The following PHACTR3 variants were observed in gnomAD, a reference collection of about 807,000 sequenced individuals.
PHACTR3 encodes protein phosphatase 1, regulatory subunit 123.
Under a neutral mutation model 66.8 loss-of-function variants are expected in PHACTR3, and 16 were observed. That is an observed-to-expected ratio of 0.24 (90% CI 0.16 to 0.36). PHACTR3 has a LOEUF of 0.36. Ranked by LOEUF, PHACTR3 falls within the 10% of genes least tolerant of loss-of-function variation. PHACTR3 has a pLI of 1.00. For missense variants in PHACTR3, 647 were observed against 719.9 expected (o/e 0.90, Z 1.16); for synonymous variants, 323 against 292.1 (o/e 1.11, Z -1.08).
At chr20:59,581,065 G>A (rs1254382881) in intron 1 of PHACTR3, among the ~76,000 whole-genome samples, 2 of 152,152 alleles carry the variant, frequency 1.3e-5, no homozygotes, top group African/African-American at 4.8e-5. Context: ...TGGCATCCCC[G>A]CCATAGCCAG....
intron 1 of PHACTR3, among the ~76,000 whole-genome samples, chr20:59,629,678 G>T (rs2034593953): frequency 6.6e-6 from 1 of 152,206 alleles, no homozygotes; most frequent in Admixed American, 6.5e-5. Context: ...CTCCTTATCA[G>T]ACAATGGAGC....
chr20:59,623,534 T>A (rs1223408426), intron 1 of PHACTR3, among the ~76,000 whole-genome samples: 1 of 152,232 alleles, frequency 6.6e-6, no homozygotes, highest in Non-Finnish European at 1.5e-5. Flanking sequence ...AGGAAATTTC[T>A]ATGCATTCTT....
At position 59,604,553 on chromosome 20, in the gene PHACTR3, T is replaced by G. The variant is rs1305751149; in HGVS notation, c.-462T>G. 1.2e-6 allele frequency: 1 copy of G among 831,624 alleles called. No individual in the cohort carries two copies. The highest frequency in any genetic ancestry group is 1.4e-6 in the Non-Finnish European group (1 of 708,688). The allele number at this position is 831,624 out of a possible 1,614,324, so 51.5% of individuals were successfully genotyped here. Reference sequence around the variant, plus strand: ...AGAACAGCTTTCAGATTAAAGCAATTGCAAGAGCAAAGATTCTTCCTTTTC... The same window carrying G: ...AGAACAGCTTTCAGATTAAAGCAATGGCAAGAGCAAAGATTCTTCCTTTTC... On this transcript the variant is annotated 5_prime_UTR_variant, in exon 1 of 13. The change creates a new upstream start codon in the 5' untranslated region. Coordinates refer to ENST00000371015, the MANE Select transcript of PHACTR3 (RefSeq NM_080672.5).
chr20:59,834,402 A>G (rs1271490545), intron 8 of PHACTR3, among the ~76,000 whole-genome samples: 1 of 152,230 alleles, frequency 6.6e-6, no homozygotes, highest in Non-Finnish European at 1.5e-5. Context: ...ACAGAGACTC[A>G]GATACATTCA....
chr20:59,639,154 G>T (rs1161263459), intron 1 of PHACTR3, among the ~76,000 whole-genome samples: 2 of 151,942 alleles, frequency 1.3e-5, no homozygotes, highest in Non-Finnish European at 2.9e-5. Flanking sequence ...GTGGGTAGGT[G>T]GGTGGGTGGG....
chr20:59,750,377 A>G (rs1304478477), intron 3 of PHACTR3, among the ~76,000 whole-genome samples: 1 of 152,132 alleles, frequency 6.6e-6, no homozygotes, highest in Admixed American at 6.5e-5. Context: ...CGTGGGACCC[A>G]GGCAGCAGTG....
chr20:59,816,760 T>C (rs1600707994), intron 8 of PHACTR3, among the ~76,000 whole-genome samples: 1 of 152,034 alleles, frequency 6.6e-6, no homozygotes, highest in Admixed American at 6.5e-5. Context: ...GATAGGTGGG[T>C]GGTTGGGTAG....
intron 1 of PHACTR3, among the ~76,000 whole-genome samples, chr20:59,706,618 T>C (rs1300141993): frequency 6.6e-6 from 1 of 152,248 alleles, no homozygotes; most frequent in Non-Finnish European, 1.5e-5. Flanking sequence ...CTTGTTCCTA[T>C]AAAGAGAGCC....
intron 1 of PHACTR3, among the ~76,000 whole-genome samples, chr20:59,737,335 C>A (rs754795048): frequency 6.6e-6 from 1 of 152,108 alleles, no homozygotes; most frequent in African/African-American, 2.4e-5. Context: ...CTCTCTATGT[C>A]CCCCTGGCAC....
At position 59,773,289 on chromosome 20, in the gene PHACTR3, A is replaced by G. The variant is rs769821041; in HGVS notation, c.762A>G (p.Thr254=). The change falls in exon 6 of 13, where the codon ACA becomes ACG. Residue 254 remains threonine (T), a synonymous_variant. Transcript: ENST00000371015. ...KTTKNVTGQA[T]LFQASSMKSA... ...CCTCCCACACCCCAGGCCAAGCCAC[A>G]CTCTTCCAAGCCTCCAGCATGAAGA... is the stretch of plus-strand genomic sequence containing the variant. 10 of 1,613,230 alleles carry G rather than the reference A, an allele frequency of 6.2e-6. No individual in the cohort carries two copies. Among genetic ancestry groups the G allele is most frequent in the Non-Finnish European group, 6.8e-6 (8 of 1,179,654 alleles).
Position 59,840,325 on chromosome 20 carries a change from GTTTC to G in PHACTR3, c.1385-42_1385-39del, listed in dbSNP as rs1600755281. ...GCTGAAGAGAAGAACGTTTCAACCT[GTTTC>G]TCTTTGTTATTTTTTTTTTCCTATT... On this transcript the variant is annotated intron_variant, in intron 9 of 12. Coordinates refer to ENST00000371015, the MANE Select transcript of PHACTR3 (RefSeq NM_080672.5). The G allele has an allele frequency of 2.1e-5, 34 of 1,595,048 alleles. No homozygotes were observed. The East Asian group carries it at 7.6e-4, about 36-fold the overall frequency.
At chr20:59,719,024 T>C (rs2038195753) in intron 1 of PHACTR3, among the ~76,000 whole-genome samples, 1 of 152,270 alleles carries the variant, frequency 6.6e-6, no homozygotes. Flanking sequence ...AAGTGTACAG[T>C]TGCATGAGGG....
chr20:59,778,859 G>C (rs952291874), intron 7 of PHACTR3, among the ~76,000 whole-genome samples: 6 of 152,182 alleles, frequency 3.9e-5, no homozygotes, highest in African/African-American at 9.7e-5. Context: ...CCCAGTGTCT[G>C]TAAGTGAACA....
At chr20:59,704,669 G>T (rs1469029787) in intron 1 of PHACTR3, among the ~76,000 whole-genome samples, 2 of 101,910 alleles carry the variant, frequency 2.0e-5, no homozygotes, top group African/African-American at 7.5e-5. Context: ...TATTTTATTT[G>T]TCTGGATCTG....
intron 1 of PHACTR3, among the ~76,000 whole-genome samples, chr20:59,727,723 T>C (rs950240724): frequency 6.6e-6 from 1 of 152,158 alleles, no homozygotes; most frequent in African/African-American, 2.4e-5. Flanking sequence ...GCTCTGAAAT[T>C]CGAAACTTTT....
intron 1 of PHACTR3, among the ~76,000 whole-genome samples, chr20:59,703,753 G>C (rs1452254394): frequency 6.6e-6 from 1 of 152,016 alleles, no homozygotes; most frequent in Non-Finnish European, 1.5e-5. Context: ...AGCAGTCAGA[G>C]TTCTTGTCTG....
chr20:59,604,444 C>A, upstream of PHACTR3: 1 of 247,210 alleles, frequency 4.0e-6, no homozygotes, highest in Non-Finnish European at 6.4e-6. Context: ...GGCCACGCGC[C>A]TTCTCACGCC....
At chr20:59,808,945 C>T (rs982549990) in intron 8 of PHACTR3, among the ~76,000 whole-genome samples, 3 of 152,158 alleles carry the variant, frequency 2.0e-5, no homozygotes, top group East Asian at 3.9e-4. Flanking sequence ...GTACACCCTC[C>T]GCTTCTGACC....
intron 1 of PHACTR3, among the ~76,000 whole-genome samples, chr20:59,681,800 C>A (rs986510584): frequency 6.6e-6 from 1 of 152,164 alleles, no homozygotes; most frequent in Admixed American, 6.5e-5. Context: ...CACCTGAGGT[C>A]GGGAGTTTGA....
Sources: allele counts gnomAD v4.1 joint callset (sites outside exome capture counted in the v4.1 genomes callset), GRCh38; gene constraint gnomAD v4.1.1; transcripts MANE v1.5; gene names NCBI Gene and HGNC (gene_info 2026-07-23, HGNC 2026-07-21).